Variants in ANAPC16 observed in about 807,000 individuals in gnomAD.
The protein encoded by ANAPC16 is anaphase-promoting complex subunit 16.
ANAPC16 carries 6 observed loss-of-function variants against 13.1 expected under a neutral mutation model. The observed-to-expected ratio is 0.46, with a 90% CI of 0.25 to 0.90. The LOEUF is 0.90. ANAPC16 is among the 40% of genes least tolerant of loss of function. The pLI, the probability that ANAPC16 is intolerant of heterozygous loss-of-function variation, is 0.18. For missense variants in ANAPC16, 113 were observed against 131.1 expected (o/e 0.86, Z 0.67); for synonymous variants, 55 against 51.3 (o/e 1.07, Z -0.31).
Position 72,233,111 on chromosome 10 carries a change from G to A in ANAPC16, c.328G>A (p.Gly110Ser). 6.2e-7 allele frequency: 1 copy of A among 1,613,832 alleles called. No homozygotes were observed. The highest frequency in any genetic ancestry group is 8.5e-7 in the Non-Finnish European group (1 of 1,179,784). Reference protein sequence around the residue: ...EQLLGFTPSSG With the variant: ...EQLLGFTPSSS ...GCTGCTGGGATTCACCCCCTCTTCAGGTTGATACTGCCTGGATGGTCACCT... is the reference window on the plus strand; with the variant it reads ...GCTGCTGGGATTCACCCCCTCTTCAAGTTGATACTGCCTGGATGGTCACCT... Residue 110 changes from glycine to serine, a missense_variant, in exon 4 of 4, where the codon GGT becomes AGT. Gly to Ser is a moderately conservative substitution (Grantham distance 56, BLOSUM62 0). Transcript: ENST00000299381.
intron 2 of ANAPC16, among the ~76,000 whole-genome samples, chr10:72,229,421 T>C (rs922816841): frequency 3.3e-5 from 5 of 151,892 alleles, no homozygotes; most frequent in East Asian, 3.9e-4. Context: ...CTGCTTGCCA[T>C]GTAATACCTG....
At chr10:72,231,880 C>G (rs1860317068) in intron 3 of ANAPC16, among the ~76,000 whole-genome samples, 1 of 151,126 alleles carries the variant, frequency 6.6e-6, no homozygotes, top group East Asian at 1.9e-4. Flanking sequence ...TTAGAAGAAA[C>G]TTCCAACTTA....
Position 72,235,411 on chromosome 10 carries a change from C to G in ANAPC16, c.*2295C>G, listed in dbSNP as rs1198254554. 2 of 152,142 alleles carry G rather than the reference C, an allele frequency of 1.3e-5. No individual in the cohort carries two copies. The highest frequency in any genetic ancestry group is 4.8e-5 in the African/African-American group (2 of 41,418). The allele number at this position is 152,142 out of a possible 1,614,324, so 9.4% of individuals were successfully genotyped here. A position where few individuals can be genotyped will look rare whatever the true frequency, so the allele number is the denominator to read the frequency against. On this transcript the variant is annotated 3_prime_UTR_variant, in exon 4 of 4. Coordinates refer to ENST00000299381, the MANE Select transcript of ANAPC16 (RefSeq NM_173473.4). Reference sequence around the variant, plus strand: ...AGGTTGCAGTGAGTGGAGATCGTGCCTGTGTGCTCCAGCCTGAGCAACAAG... The same window carrying G: ...AGGTTGCAGTGAGTGGAGATCGTGCGTGTGTGCTCCAGCCTGAGCAACAAG...
At chr10:72,220,693 A>G (rs1859890775) in intron 1 of ANAPC16, 2 of 137,750 alleles carry the variant, frequency 1.5e-5, no homozygotes, top group Admixed American at 7.8e-5. Flanking sequence ...TATAATAAAT[A>G]TGTTCATTTT....
intron 1 of ANAPC16, among the ~76,000 whole-genome samples, chr10:72,219,126 A>G (rs1473374316): frequency 6.6e-6 from 1 of 152,184 alleles, no homozygotes; most frequent in African/African-American, 2.4e-5. Context: ...CTTAGGTGAG[A>G]TATATAAACA....
At position 72,230,320 on chromosome 10, in the gene ANAPC16, T is replaced by C. The variant is rs1173789733; in HGVS notation, c.143-46T>C. The C allele has an allele frequency of 2.7e-6, 4 of 1,487,776 alleles. No individual in the cohort carries two copies. The South Asian group carries it at 3.4e-5, about 13-fold the overall frequency. 92.2% of individuals were successfully genotyped at this position (1,487,776 alleles called of 1,614,324 possible). On this transcript the variant is annotated intron_variant, in intron 2 of 3. Coordinates refer to ENST00000299381, the MANE Select transcript of ANAPC16 (RefSeq NM_173473.4). Reference sequence around the variant, plus strand: ...AGTTTACTTGGTTTATCAGAAGCCATAAAACCTTTAGAGCAGATTAAAACC... The same window carrying C: ...AGTTTACTTGGTTTATCAGAAGCCACAAAACCTTTAGAGCAGATTAAAACC...
intron 2 of ANAPC16, 109 bp downstream of exon 2, chr10:72,224,165 A>G (rs1860041773): frequency 8.4e-7 from 1 of 1,193,116 alleles, no homozygotes; most frequent in East Asian, 2.7e-5. Context: ...TTTCAGCTCC[A>G]CATTTCATTT....
chr10:72,220,050 C>A (rs1000266167), intron 1 of ANAPC16: 1 of 152,092 alleles, frequency 6.6e-6, no homozygotes, highest in Non-Finnish European at 1.5e-5. Flanking sequence ...AAAAACATGG[C>A]CAGGTGCAGT....
At chr10:72,231,294 T>C (rs1254810073) in intron 3 of ANAPC16, among the ~76,000 whole-genome samples, 1 of 151,980 alleles carries the variant, frequency 6.6e-6, no homozygotes, top group Admixed American at 6.6e-5. Context: ...TCCCAGCACG[T>C]TGGGAGGCTG....
intron 3 of ANAPC16, among the ~76,000 whole-genome samples, chr10:72,232,292 C>T (rs541442342): frequency 6.6e-6 from 1 of 151,308 alleles, no homozygotes; most frequent in South Asian, 2.1e-4. Context: ...CGTCTGTAAT[C>T]CCAGCACTTT....
At chr10:72,222,755 C>T (rs1055549577) in intron 1 of ANAPC16, among the ~76,000 whole-genome samples, 11 of 151,962 alleles carry the variant, frequency 7.2e-5, no homozygotes, top group East Asian at 1.9e-4. Flanking sequence ...CTAGCGTGGG[C>T]GACAAGAGCG....
chr10:72,230,506 G>A lies in ANAPC16; in HGVS notation c.217+66G>A, dbSNP rs1310268259. 3.6e-6 allele frequency: 5 copies of A among 1,386,736 alleles called. No individual in the cohort carries two copies. The African/African-American group carries it at 4.3e-5, about 12-fold the overall frequency. The allele number at this position is 1,386,736 out of a possible 1,614,324, so 85.9% of individuals were successfully genotyped here. A position where few individuals can be genotyped will look rare whatever the true frequency, so the allele number is the denominator to read the frequency against. ...TTTGCTAGGGGGTGGATGAGGCTGTGACAAAAATCCCCAAACTCAGCAAGG... is the reference window on the plus strand; with the variant it reads ...TTTGCTAGGGGGTGGATGAGGCTGTAACAAAAATCCCCAAACTCAGCAAGG... On this transcript the variant is annotated intron_variant, in intron 3 of 3. Coordinates refer to ENST00000299381, the MANE Select transcript of ANAPC16 (RefSeq NM_173473.4).
At chr10:72,220,730 AAAC>A (rs1382918686) in intron 1 of ANAPC16, 5 of 149,174 alleles carry the variant, frequency 3.4e-5, no homozygotes, top group African/African-American at 1.3e-4. Context: ...AAAAAAAAAA[AAAC>A]CCGAAAGAAA....
At chr10:72,220,749 T>C (rs1859898701) in intron 1 of ANAPC16, 2 of 142,946 alleles carry the variant, frequency 1.4e-5, no homozygotes, top group Admixed American at 1.4e-4. Context: ...AGAAAAATAC[T>C]CAGGCTGGTC....
intron 2 of ANAPC16, among the ~76,000 whole-genome samples, chr10:72,227,810 C>T (rs1303895640): frequency 6.6e-6 from 1 of 150,496 alleles, no homozygotes; most frequent in African/African-American, 2.5e-5. Flanking sequence ...GTGGGCGGAT[C>T]ACCTGAGGTC....
intron 1 of ANAPC16, among the ~76,000 whole-genome samples, chr10:72,218,163 AAAATATATATATATATAT>A (rs71018257): frequency 0.012 from 415 of 33,892 alleles, 1 homozygote; most frequent in Admixed American, 0.018. Flanking sequence ...AAAAAAAAAA[AAAATATATATATATATAT>A]ATATATATAT....
chr10:72,228,346 A>C (rs2133686230), intron 2 of ANAPC16, among the ~76,000 whole-genome samples: 1 of 152,338 alleles, frequency 6.6e-6, no homozygotes, highest in Middle Eastern at 3.4e-3. Context: ...ACTGCCTTCC[A>C]GCCCATCAGT....
In ANAPC16 at chr10:72,230,460, G is replaced by A. The variant is rs201885589; in HGVS notation, c.217+20G>A. ...AACATGGTAAGCACATGAGTGTTGC[G>A]TACTTGACTGTGAGAATAAATTTGC... On this transcript the variant is annotated intron_variant, in intron 3 of 3. Transcript: ENST00000299381. 35 of 1,602,986 alleles carry A rather than the reference G, an allele frequency of 2.2e-5. No individual in the cohort carries two copies. Among genetic ancestry groups the A allele is most frequent in the South Asian group, 4.4e-5 (4 of 90,410 alleles).
At chr10:72,231,883 C>G (rs984619693) in intron 3 of ANAPC16, among the ~76,000 whole-genome samples, 1 of 151,104 alleles carries the variant, frequency 6.6e-6, no homozygotes, top group Non-Finnish European at 1.5e-5. Context: ...GAAGAAACTT[C>G]CAACTTAAAA....
Sources: gnomAD v4.1 joint callset for allele counts (sites outside exome capture counted in the v4.1 genomes callset) on GRCh38, gnomAD v4.1.1 for gene constraint, MANE v1.5 for transcripts, NCBI Gene and HGNC (gene_info 2026-07-23, HGNC 2026-07-21) for gene names.